The following FSTL4 variants were observed in gnomAD, a reference collection of about 807,000 sequenced individuals.
The protein encoded by FSTL4 is follistatin-related protein 4.
Under a neutral mutation model 78.2 loss-of-function variants are expected in FSTL4, and 28 were observed. The ratio of observed to expected loss-of-function variants is 0.36; its 90% CI spans 0.27 to 0.49. The LOEUF (loss-of-function observed/expected upper bound fraction) is 0.49. Ranked by LOEUF, FSTL4 falls within the 20% of genes least tolerant of loss-of-function variation. The pLI, the probability that FSTL4 is intolerant of heterozygous loss-of-function variation, is 0.98. For synonymous variants in FSTL4, 422 were observed against 440.5 expected (o/e 0.96, Z 0.53); for missense variants, 922 against 1,084.9 (o/e 0.85, Z 2.11).
chr5:133,338,139 T>G lies in FSTL4; in HGVS notation c.410-21487A>C, dbSNP rs555247368. On this transcript the variant is annotated intron_variant, in intron 4 of 15. Transcript: ENST00000265342. The surrounding 1 kb of genome is among the most constrained non-coding windows in gnomAD (Gnocchi z 4.0). ...CTCCCAGGTCACCCATGGGGAGATG[T>G]CTGATTGGCAGGTGTAAATGTCGAT... 6.6e-6 allele frequency among the ~76,000 whole-genome samples: 1 copy of G among 152,322 alleles called. No individual in the cohort carries two copies. Among genetic ancestry groups the G allele is most frequent in the Non-Finnish European group, 1.5e-5 (1 of 68,036 alleles).
intron 6 of FSTL4, among the ~76,000 whole-genome samples, chr5:133,255,542 C>T (rs1752361825): frequency 6.6e-6 from 1 of 152,244 alleles, no homozygotes; most frequent in Non-Finnish European, 1.5e-5. Context: ...GCGTGTCCCA[C>T]AGTGGGATTC....
chr5:133,563,230 T>C (rs999201750), intron 3 of FSTL4, among the ~76,000 whole-genome samples: 1 of 152,192 alleles, frequency 6.6e-6, no homozygotes, highest in African/African-American at 2.4e-5. Context: ...CAATCTTTGC[T>C]ACTGTGTCTA....
the FSTL4 span, among the ~76,000 whole-genome samples, chr5:133,832,396 A>C: frequency 6.6e-6 from 1 of 152,156 alleles, no homozygotes; most frequent in Non-Finnish European, 1.5e-5. Context: ...TGTTGTTATC[A>C]AGTTGTAAAT....
At chr5:133,239,504 C>A (rs973232406) in intron 7 of FSTL4, among the ~76,000 whole-genome samples, 1 of 152,206 alleles carries the variant, frequency 6.6e-6, no homozygotes, top group African/African-American at 2.4e-5. Flanking sequence ...GTCTCTAGCT[C>A]AAGGTTTGTC....
At chr5:133,555,517 T>C (rs1759768660) in intron 3 of FSTL4, among the ~76,000 whole-genome samples, 4 of 152,198 alleles carry the variant, frequency 2.6e-5, no homozygotes, top group African/African-American at 7.2e-5. Flanking sequence ...TTCTTGAGCA[T>C]ATTAAATGAG....
At chr5:133,280,559 C>A (rs1263438881) in intron 6 of FSTL4, among the ~76,000 whole-genome samples, 22 of 152,194 alleles carry the variant, frequency 1.4e-4, no homozygotes, top group Admixed American at 1.2e-3. Context: ...AAGTCCCCAG[C>A]CCCAAAGCAG....
chr5:133,392,535 G>T (rs1231295713), intron 4 of FSTL4, among the ~76,000 whole-genome samples: 1 of 152,166 alleles, frequency 6.6e-6, no homozygotes. Flanking sequence ...TCAGTGGCAG[G>T]GGTAACAGGA....
chr5:133,654,872 C>A, the FSTL4 span, among the ~76,000 whole-genome samples: 1 of 152,184 alleles, frequency 6.6e-6, no homozygotes, highest in Non-Finnish European at 1.5e-5. Context: ...CTCAGGAGAG[C>A]CCTCTGGTAT....
the FSTL4 span, among the ~76,000 whole-genome samples, chr5:133,711,509 T>A: frequency 6.6e-6 from 1 of 152,238 alleles, no homozygotes; most frequent in South Asian, 2.1e-4. Flanking sequence ...GCACCAGGTC[T>A]CTTCCCATGG....
At chr5:133,560,717 G>A (rs1759892752) in intron 3 of FSTL4, among the ~76,000 whole-genome samples, 1 of 150,970 alleles carries the variant, frequency 6.6e-6, no homozygotes, top group Admixed American at 6.6e-5. Context: ...TCTTCTGATT[G>A]TAGAAAGAGA....
chr5:133,265,257 GACACAAGCGGAACTGCCGGCCACTCTCC>G, intron 6 of FSTL4, among the ~76,000 whole-genome samples: 1 of 152,120 alleles, frequency 6.6e-6, no homozygotes, highest in African/African-American at 2.4e-5. Context: ...CACTGAGCTG[GACACAAGCGGAACTGCCGGCCACTCTCC>G]AAATGTCCTG....
chr5:133,542,616 A>G (rs1561463255), intron 3 of FSTL4, among the ~76,000 whole-genome samples: 1 of 152,204 alleles, frequency 6.6e-6, no homozygotes, highest in Non-Finnish European at 1.5e-5. Context: ...TAGAAATCTG[A>G]TTATATTTCT....
chr5:133,685,197 T>A, the FSTL4 span, among the ~76,000 whole-genome samples: 1 of 152,198 alleles, frequency 6.6e-6, no homozygotes, highest in Non-Finnish European at 1.5e-5. Context: ...GGGCTCAGCA[T>A]CTCTCCTGGG....
intron 3 of FSTL4, among the ~76,000 whole-genome samples, chr5:133,473,999 T>A (rs574917744): frequency 4.6e-5 from 7 of 152,146 alleles, no homozygotes; most frequent in Non-Finnish European, 7.4e-5. Context: ...CAAGATGAGA[T>A]TTTGGGTGGG....
chr5:133,743,839 T>G, the FSTL4 span, among the ~76,000 whole-genome samples: 3 of 152,342 alleles, frequency 2.0e-5, no homozygotes, highest in African/African-American at 7.2e-5. Context: ...AAGATGGAGC[T>G]TACGAGCTCC....
the FSTL4 span, among the ~76,000 whole-genome samples, chr5:133,765,671 C>G: frequency 1.3e-5 from 2 of 152,070 alleles, no homozygotes; most frequent in African/African-American, 4.8e-5. Context: ...TGAACAGAGG[C>G]CGAGCACAGT....
the FSTL4 span, among the ~76,000 whole-genome samples, chr5:133,618,809 G>A: frequency 6.6e-6 from 1 of 152,202 alleles, no homozygotes; most frequent in African/African-American, 2.4e-5. Flanking sequence ...CACTGTGTGT[G>A]TATATGGCAG....
chr5:133,427,042 G>A (rs1020341939), intron 3 of FSTL4, among the ~76,000 whole-genome samples: 1 of 152,074 alleles, frequency 6.6e-6, no homozygotes, highest in African/African-American at 2.4e-5. Flanking sequence ...CTATGAACTA[G>A]CTCACACTGC....
At chr5:133,710,415 A>G in the FSTL4 span, among the ~76,000 whole-genome samples, 1 of 152,110 alleles carries the variant, frequency 6.6e-6, no homozygotes, top group Admixed American at 6.5e-5. Context: ...TGTCCACTCT[A>G]TTTATCAGTA....
Sources: gnomAD v4.1 joint callset for allele counts (sites outside exome capture counted in the v4.1 genomes callset) on GRCh38, gnomAD v4.1.1 for gene constraint, Gnocchi (gnomAD v3.1) non-coding constraint, MANE v1.5 for transcripts, NCBI Gene and HGNC (gene_info 2026-07-23, HGNC 2026-07-21) for gene names.